Variants in NAB1 observed in about 807,000 individuals in gnomAD.
NAB1 encodes NGFI-A binding protein 1.
A neutral mutation model predicts 49.9 loss-of-function variants in NAB1; 25 were observed. The observed-to-expected ratio is 0.50, with a 90% confidence interval of 0.37 to 0.70. NAB1 has a LOEUF of 0.70. NAB1 is among the 30% of genes least tolerant of loss of function. The pLI, the probability that NAB1 is intolerant of heterozygous loss-of-function variation, is 0.00. For synonymous variants in NAB1, 198 were observed against 215.6 expected (o/e 0.92, Z 0.71); for missense variants, 489 against 575.9 (o/e 0.85, Z 1.54).
At position 190,686,825 on chromosome 2, in the gene NAB1, T is replaced by C. The variant is rs1574482663; in HGVS notation, c.1259-376T>C. On this transcript the variant is annotated intron_variant, in intron 8 of 9. Coordinates refer to ENST00000337386, the MANE Select transcript of NAB1 (RefSeq NM_005966.4). This position sits in a 1 kb window ranked among gnomAD's most constrained non-coding sequence, Gnocchi z 5.5. ...TTTAATCTTTAATTGGCTTGAAGCC[T>C]TCTGTGTCTTTCTAGTACTTGTTAT... 1.3e-5 allele frequency among the ~76,000 whole-genome samples: 2 copies of C among 152,004 alleles called. No homozygotes were observed. Among genetic ancestry groups the C allele is most frequent in the Non-Finnish European group, 1.5e-5 (1 of 67,990 alleles).
rs1693819086 is a variant in NAB1, at chr2:190,654,406, T to TG, written c.-196-1570dup. ...TCAAAATGTAAGAGAGACAAAGTGT[T>TG]GCGGGGTTCAGAGAAGGGAGATGAC... On this transcript the variant is annotated intron_variant, in intron 2 of 9. Transcript: ENST00000337386. The surrounding 1 kb of genome is among the most constrained non-coding windows in gnomAD (Gnocchi z 5.6). 6.6e-6 allele frequency among the ~76,000 whole-genome samples: 1 copy of TG among 152,192 alleles called. No homozygotes were observed. The highest frequency in any genetic ancestry group is 1.5e-5 in the Non-Finnish European group (1 of 68,028).
rs1693684858 is a variant in NAB1 at position 190,651,861 on chromosome 2, T to A, written c.-197+1879T>A. The stretch of plus-strand genomic sequence containing the variant: ...CATGCTAATGTATAATCAACCCGTC[T>A]ATGCATATTTCATTGTGGAATTTGC... On this transcript the variant is annotated intron_variant, in intron 2 of 9. Transcript: ENST00000337386. This position sits in a 1 kb window ranked among gnomAD's most constrained non-coding sequence, Gnocchi z 4.3. Among the ~76,000 whole-genome samples, 2 of 152,266 alleles carry A rather than the reference T, an allele frequency of 1.3e-5. No homozygotes were observed. The highest frequency in any genetic ancestry group is 4.8e-5 in the African/African-American group (2 of 41,476).
At position 190,657,256 on chromosome 2, in the gene NAB1, G is replaced by A. The variant is rs1349014047; in HGVS notation, c.-20+1103G>A. 6.6e-6 allele frequency among the ~76,000 whole-genome samples: 1 copy of A among 152,192 alleles called. No homozygotes were observed. Among genetic ancestry groups the A allele is most frequent in the Non-Finnish European group, 1.5e-5 (1 of 68,036 alleles). ...AGGTGGATGATAGATTCTCCCTGGA[G>A]TGGGAGGACAGGCAGAGCCTCCTTT... On this transcript the variant is annotated intron_variant, in intron 3 of 9. Transcript: ENST00000337386. This position sits in a 1 kb window ranked among gnomAD's most constrained non-coding sequence, Gnocchi z 4.4.
chr2:190,660,892 G>A (rs1249271094), intron 4 of NAB1, among the ~76,000 whole-genome samples: 1 of 151,788 alleles, frequency 6.6e-6, no homozygotes, highest in Non-Finnish European at 1.5e-5. Context: ...CACAATAAGT[G>A]CTTGGAAAAT....
In NAB1 at chr2:190,659,239, C is replaced by T; in HGVS notation, c.63C>T (p.Ala21=). Residue 21 remains alanine (A), a synonymous_variant, in exon 4 of 10, where the codon GCC becomes GCT. Transcript: ENST00000337386. This position sits in a 1 kb window ranked among gnomAD's most constrained non-coding sequence, Gnocchi z 6.2. The part of the protein sequence containing the change: ...ELQLYRILQK[A]NLLSYFDAFI... Reference sequence around the variant, plus strand: ...AGCTGTATAGAATATTACAAAAAGCCAATCTACTTTCTTATTTTGATGCCT... The same window carrying T: ...AGCTGTATAGAATATTACAAAAAGCTAATCTACTTTCTTATTTTGATGCCT... 1 of 1,613,926 alleles carries T rather than the reference C, an allele frequency of 6.2e-7. No homozygotes were observed. Among genetic ancestry groups the T allele is most frequent in the Non-Finnish European group, 8.5e-7 (1 of 1,180,006 alleles).
At position 190,649,803 on chromosome 2, in the gene NAB1, C is replaced by CT. The variant is rs1470793171; in HGVS notation, c.-333-41dup. 1 of 152,148 alleles carries CT rather than the reference C, an allele frequency of 6.6e-6. No homozygotes were observed. Among genetic ancestry groups the CT allele is most frequent in the East Asian group, 1.9e-4 (1 of 5,192 alleles). 9.4% of individuals were successfully genotyped at this position (152,148 alleles called of 1,614,324 possible). A position where few individuals can be genotyped will look rare whatever the true frequency, so the allele number is the denominator to read the frequency against. On this transcript the variant is annotated intron_variant, in intron 1 of 9. Coordinates refer to ENST00000337386, the MANE Select transcript of NAB1 (RefSeq NM_005966.4). This position sits in a 1 kb window ranked among gnomAD's most constrained non-coding sequence, Gnocchi z 6.1. ...CTGCACTTACCGTCTCGATTTTCTT[C>CT]TTGGGTATCTTCCCTTTCCGAATGT...
rs1694329808 is a variant in NAB1, at chr2:190,663,503, G to T, written c.819+3508G>T. ...TTGTGGCTGATTTTGAGCTACAATG[G>T]TGAGTTAAGTAGTTGTGACACAGGC... On this transcript the variant is annotated intron_variant, in intron 4 of 9. Coordinates refer to ENST00000337386, the MANE Select transcript of NAB1 (RefSeq NM_005966.4). The surrounding 1 kb of genome is among the most constrained non-coding windows in gnomAD (Gnocchi z 4.2). 6.6e-6 allele frequency among the ~76,000 whole-genome samples: 1 copy of T among 152,160 alleles called. No homozygotes were observed. Among genetic ancestry groups the T allele is most frequent in the South Asian group, 2.1e-4 (1 of 4,824 alleles).
intron 2 of NAB1, among the ~76,000 whole-genome samples, chr2:190,655,424 C>A (rs1693868236): frequency 6.6e-6 from 1 of 151,644 alleles, no homozygotes; most frequent in African/African-American, 2.4e-5. Flanking sequence ...TATGGACACA[C>A]AATAGAAAAG....
intron 4 of NAB1, among the ~76,000 whole-genome samples, chr2:190,662,502 C>A (rs1460900744): frequency 6.6e-6 from 1 of 151,890 alleles, no homozygotes; most frequent in Non-Finnish European, 1.5e-5. Flanking sequence ...TAGAACCACA[C>A]ACCTTGCTGG....
At position 190,670,379 on chromosome 2, in the gene NAB1, G is replaced by A. The variant is rs762236326; in HGVS notation, c.873G>A (p.Leu291=). The change falls in exon 5 of 10, where the codon CTG becomes CTA. Residue 291 remains leucine (L), a synonymous_variant. Coordinates refer to ENST00000337386, the MANE Select transcript of NAB1 (RefSeq NM_005966.4). The surrounding 1 kb of genome is among the most constrained non-coding windows in gnomAD (Gnocchi z 5.3). ...TCTGTGTGAAGGATAATGCCCTGCTGACAAGAAGAGATGAGCTTTTTGCCT... is the reference window on the plus strand; with the variant it reads ...TCTGTGTGAAGGATAATGCCCTGCTAACAAGAAGAGATGAGCTTTTTGCCT... ...AQLCVKDNAL[L]TRRDELFALA... 74 of 1,613,912 alleles carry A rather than the reference G, an allele frequency of 4.6e-5. No individual in the cohort carries two copies. Among genetic ancestry groups the A allele is most frequent in the Non-Finnish European group, 6.3e-5 (74 of 1,179,946 alleles).
In NAB1 at chr2:190,678,765, T is replaced by A. The variant is rs1695193498; in HGVS notation, c.1006-4973T>A. Among the ~76,000 whole-genome samples the A allele has an allele frequency of 6.6e-6, 1 of 152,180 alleles. No individual in the cohort carries two copies. On this transcript the variant is annotated intron_variant, in intron 6 of 9. Coordinates refer to ENST00000337386, the MANE Select transcript of NAB1 (RefSeq NM_005966.4). This position sits in a 1 kb window ranked among gnomAD's most constrained non-coding sequence, Gnocchi z 4.9. Reference sequence around the variant, plus strand: ...CTAAGCTTGTTGAAAAGAAAGCTGGTCTAATTTGACGTAGACTCTTCCCCT... The same window carrying A: ...CTAAGCTTGTTGAAAAGAAAGCTGGACTAATTTGACGTAGACTCTTCCCCT...
chr2:190,662,315 A>G (rs1694267062), intron 4 of NAB1, among the ~76,000 whole-genome samples: 1 of 151,890 alleles, frequency 6.6e-6, no homozygotes, highest in Non-Finnish European at 1.5e-5. Context: ...TTGTTTATAT[A>G]TTTATAATAA....
chr2:190,653,632 A>G (rs1693777885), intron 2 of NAB1: 1 of 152,190 alleles, frequency 6.6e-6, no homozygotes, highest in South Asian at 2.1e-4. Flanking sequence ...TGGAGGGGAG[A>G]AGATGCAAGA....
rs761120477 is a variant in NAB1 at position 190,658,891 on chromosome 2, C to T, written c.-19-267C>T. ...ATAGCCAAAAATACGGGACATGGAA[C>T]CTTTGGTTTGATCCTTGGTTTGAAC... On this transcript the variant is annotated intron_variant, in intron 3 of 9. Transcript: ENST00000337386. Among the ~76,000 whole-genome samples, 3 of 152,176 alleles carry T rather than the reference C, an allele frequency of 2.0e-5. No homozygotes were observed. In the South Asian group the frequency reaches 6.2e-4, roughly 32 times the overall value.
At chr2:190,683,202 C>G (rs62179693) in intron 6 of NAB1, among the ~76,000 whole-genome samples, 1 of 151,676 alleles carries the variant, frequency 6.6e-6, no homozygotes, top group African/African-American at 2.4e-5. Context: ...CCTCCGCCTC[C>G]TGGGTTCAAG....
At position 190,669,999 on chromosome 2, in the gene NAB1, G is replaced by GT. The variant is rs938451194; in HGVS notation, c.820-320dup. Among the ~76,000 whole-genome samples, 6 of 151,862 alleles carry GT rather than the reference G, an allele frequency of 4.0e-5. No individual in the cohort carries two copies. Among genetic ancestry groups the GT allele is most frequent in the African/African-American group, 9.7e-5 (4 of 41,316 alleles). On this transcript the variant is annotated intron_variant, in intron 4 of 9. Transcript: ENST00000337386. The surrounding 1 kb of genome is among the most constrained non-coding windows in gnomAD (Gnocchi z 4.3). ...CAAATCCTGTATTCTAATATTTTGGGTTTTTTTATAAGCGAGTTGCAGAAT... is the reference window on the plus strand; with the variant it reads ...CAAATCCTGTATTCTAATATTTTGGGTTTTTTTTATAAGCGAGTTGCAGAAT...
At chr2:190,672,798 T>TG (rs1387153589) in intron 5 of NAB1, among the ~76,000 whole-genome samples, 2 of 149,602 alleles carry the variant, frequency 1.3e-5, no homozygotes, top group East Asian at 4.0e-4. Flanking sequence ...TTGAACATAG[T>TG]GAGACCCCAT....
intron 5 of NAB1, among the ~76,000 whole-genome samples, chr2:190,672,163 A>G (rs552842663): frequency 6.6e-6 from 1 of 152,176 alleles, no homozygotes; most frequent in Non-Finnish European, 1.5e-5. Context: ...AGGTGCCCTC[A>G]TTATTTTTTT....
rs1350589167 is a variant in NAB1 at position 190,663,042 on chromosome 2, A to C, written c.819+3047A>C. Among the ~76,000 whole-genome samples the C allele has an allele frequency of 6.6e-6, 1 of 152,328 alleles. No homozygotes were observed. Among genetic ancestry groups the C allele is most frequent in the South Asian group, 2.1e-4 (1 of 4,826 alleles). On this transcript the variant is annotated intron_variant, in intron 4 of 9. Coordinates refer to ENST00000337386, the MANE Select transcript of NAB1 (RefSeq NM_005966.4). The surrounding 1 kb of genome is among the most constrained non-coding windows in gnomAD (Gnocchi z 4.2). The stretch of plus-strand genomic sequence containing the variant: ...GAGAGGAGGAATGCTGAATCTGAGA[A>C]CCGCATAAACGTGGTCACATTATTA...
Sources: allele counts gnomAD v4.1 joint callset (sites outside exome capture counted in the v4.1 genomes callset), GRCh38; gene constraint gnomAD v4.1.1; non-coding constraint Gnocchi (gnomAD v3.1); transcripts MANE v1.5; gene names NCBI Gene and HGNC (gene_info 2026-07-23, HGNC 2026-07-21).